The following AFG2A variants were observed in gnomAD, a reference collection of about 807,000 sequenced individuals.
AFG2A encodes the protein ATPase family gene 2 protein homolog A.
the AFG2A span, among the ~76,000 whole-genome samples, chr4:123,295,603 T>C: frequency 1.3e-5 from 2 of 152,252 alleles, no homozygotes; most frequent in East Asian, 3.8e-4. Context: ...CTCACGCCTG[T>C]AATCCCAACT....
At chr4:123,246,209 T>C in the AFG2A span, among the ~76,000 whole-genome samples, 4 of 152,202 alleles carry the variant, frequency 2.6e-5, no homozygotes, top group African/African-American at 7.2e-5. Flanking sequence ...AAGGGGAAAG[T>C]GTCTAATAAT....
chr4:122,933,333 C>A, the AFG2A span: 1 of 861,388 alleles, frequency 1.2e-6, no homozygotes, highest in Non-Finnish European at 1.8e-6. Flanking sequence ...GTGGATTATT[C>A]TTTTGATTAA....
At chr4:123,256,311 T>G in the AFG2A span, 1 of 989,384 alleles carries the variant, frequency 1.0e-6, no homozygotes, top group South Asian at 1.8e-5. Context: ...GGAAGTGCAG[T>G]ACATGACATA....
the AFG2A span, chr4:122,927,860 G>C: frequency 2.1e-6 from 3 of 1,453,854 alleles, no homozygotes; most frequent in Non-Finnish European, 2.8e-6. Context: ...GGTAGTCAAA[G>C]GAAATGCTCA....
the AFG2A span, among the ~76,000 whole-genome samples, chr4:123,244,811 C>T: frequency 2.6e-5 from 4 of 152,172 alleles, no homozygotes; most frequent in African/African-American, 9.7e-5. Flanking sequence ...TGTCTGCATG[C>T]TTCTGTATAC....
chr4:123,214,318 TA>T, the AFG2A span, among the ~76,000 whole-genome samples: 6 of 152,226 alleles, frequency 3.9e-5, no homozygotes, highest in East Asian at 1.2e-3. Context: ...GGGACAATAG[TA>T]ACACAAATAC....
At chr4:122,946,249 T>C in the AFG2A span, among the ~76,000 whole-genome samples, 1 of 152,236 alleles carries the variant, frequency 6.6e-6, no homozygotes, top group Non-Finnish European at 1.5e-5. Flanking sequence ...GGGTTCTTGG[T>C]AGGTAGGAAA....
the AFG2A span, among the ~76,000 whole-genome samples, chr4:122,923,492 G>C: frequency 3.2e-4 from 48 of 152,324 alleles, no homozygotes; most frequent in East Asian, 9.2e-3. Flanking sequence ...GCCTGCACTG[G>C]AGAAGTTAGG....
chr4:123,229,729 A>G, the AFG2A span, among the ~76,000 whole-genome samples: 2 of 151,932 alleles, frequency 1.3e-5, no homozygotes, highest in Admixed American at 6.6e-5. Context: ...TTTTGAGAGA[A>G]AATTATTAGA....
At chr4:123,054,959 G>A in the AFG2A span, among the ~76,000 whole-genome samples, 13 of 151,744 alleles carry the variant, frequency 8.6e-5, 1 homozygote, top group Middle Eastern at 0.02. Context: ...CCTAAACATC[G>A]TTTATACTGT....
chr4:123,154,061 T>C, the AFG2A span, among the ~76,000 whole-genome samples: 3 of 152,242 alleles, frequency 2.0e-5, no homozygotes, highest in East Asian at 5.8e-4. Flanking sequence ...TGTGAGAATT[T>C]CTTGTTAGCC....
At chr4:123,017,118 G>T in the AFG2A span, among the ~76,000 whole-genome samples, 2 of 146,576 alleles carry the variant, frequency 1.4e-5, no homozygotes, top group African/African-American at 5.0e-5. Flanking sequence ...TGTGGAAAGA[G>T]AGGGAGAGGG....
chr4:123,250,261 AT>A, the AFG2A span, among the ~76,000 whole-genome samples: 1 of 152,230 alleles, frequency 6.6e-6, no homozygotes, highest in Non-Finnish European at 1.5e-5. Context: ...ATAAGGTTTG[AT>A]AGTTAAGACT....
the AFG2A span, among the ~76,000 whole-genome samples, chr4:123,147,996 A>T: frequency 6.6e-6 from 1 of 152,176 alleles, no homozygotes; most frequent in African/African-American, 2.4e-5. Flanking sequence ...TTCTATTGGG[A>T]TAGTAGAGTA....
the AFG2A span, among the ~76,000 whole-genome samples, chr4:123,164,982 A>G: frequency 6.6e-6 from 1 of 152,184 alleles, no homozygotes; most frequent in Admixed American, 6.5e-5. Flanking sequence ...ACTTAAAATT[A>G]GTGTTTTCAT....
chr4:123,117,716 G>GA, the AFG2A span, among the ~76,000 whole-genome samples: 20 of 148,250 alleles, frequency 1.3e-4, no homozygotes, highest in Admixed American at 2.7e-4. Context: ...AGGAGAGGGA[G>GA]AAAAAAAAAA....
chr4:122,947,347 AATGCT>A, the AFG2A span: 14 of 1,613,992 alleles, frequency 8.7e-6, no homozygotes, highest in Non-Finnish European at 1.2e-5. Flanking sequence ...TGGAGTTCCC[AATGCT>A]CAGGACCGGC....
At chr4:123,118,915 A>AT in the AFG2A span, among the ~76,000 whole-genome samples, 46 of 152,236 alleles carry the variant, frequency 3.0e-4, 1 homozygote, top group South Asian at 9.6e-3. Context: ...AGGGCAAATA[A>AT]TTTTTTAAGA....
chr4:123,197,355 C>T, the AFG2A span, among the ~76,000 whole-genome samples: 2 of 152,172 alleles, frequency 1.3e-5, no homozygotes, highest in African/African-American at 2.4e-5. Flanking sequence ...AGAACATAGG[C>T]ATTTGTAAGT....
Sources: allele counts gnomAD v4.1 joint callset (sites outside exome capture counted in the v4.1 genomes callset), GRCh38; gene constraint gnomAD v4.1.1; transcripts MANE v1.5; gene names NCBI Gene and HGNC (gene_info 2026-07-23, HGNC 2026-07-21).